Variants in UST observed in about 807,000 individuals in gnomAD.
The protein encoded by UST is uronyl 2-sulfotransferase.
UST carries 21 observed loss-of-function variants against 45.6 expected under a neutral mutation model. The observed-to-expected ratio is 0.46, with a 90% CI of 0.33 to 0.66. The LOEUF is 0.66. Among genes scored for constraint, UST ranks in the 30% least tolerant of loss-of-function variants. The probability of loss-of-function intolerance (pLI) is 0.02; values close to 1 mark genes in which losing one functional copy is unlikely to be tolerated. For synonymous variants in UST, 215 were observed against 200.6 expected (o/e 1.07, Z -0.61); for missense variants, 463 against 512.4 (o/e 0.90, Z 0.93).
chr6:148,857,195 A>C (rs73003173), intron 1 of UST, among the ~76,000 whole-genome samples: 2,044 of 152,254 alleles, frequency 0.013, 30 homozygotes, highest in Admixed American at 0.025. Context: ...TTTTCACCAC[A>C]AGCTCTGCAA....
At chr6:148,924,911 G>A (rs989793099) in intron 2 of UST, among the ~76,000 whole-genome samples, 4 of 152,160 alleles carry the variant, frequency 2.6e-5, no homozygotes, top group Non-Finnish European at 4.4e-5. Flanking sequence ...AAAAGCAGGC[G>A]TGACTATGCC....
chr6:148,886,995 C>T lies in UST; in HGVS notation c.257C>T (p.Thr86Ile). 6.2e-7 allele frequency: 1 copy of T among 1,612,564 alleles called. No individual in the cohort carries two copies. Among genetic ancestry groups the T allele is most frequent in the East Asian group, 2.2e-5 (1 of 44,864 alleles). ...LDLRQYLGNS[T>I]YLDDHGPPPS... ...TTCCTTTATTTTCTAGGAAATTCCA[C>T]TTACTTGGATGACCATGGACCACCT... is the stretch of plus-strand genomic sequence containing the variant. The change falls in exon 2 of 8, where the codon ACT (threonine) becomes ATT (isoleucine). Residue 86 changes from threonine to isoleucine, a missense_variant. Around this residue, in one of 2 missense-constraint regions of UST, gnomAD observed 176 missense variants for 138.3 expected, o/e 1.27. Transcript: ENST00000367463.
At position 148,934,213 on chromosome 6, in the gene UST, T is replaced by C. The variant is rs769559281; in HGVS notation, c.292-7066T>C. Among the ~76,000 whole-genome samples the C allele has an allele frequency of 2.6e-5, 4 of 152,096 alleles. No homozygotes were observed. Among genetic ancestry groups the C allele is most frequent in the Non-Finnish European group, 5.9e-5 (4 of 68,002 alleles). On this transcript the variant is annotated intron_variant, in intron 2 of 7. Transcript: ENST00000367463. The surrounding 1 kb of genome is among the most constrained non-coding windows in gnomAD (Gnocchi z 4.1). ...TGTCCTAGGAACTTTAACATGAGGA[T>C]TTGCTGAGTGGATTTAAACTGCTCA...
chr6:149,054,984 C>T (rs1776541013), intron 7 of UST, among the ~76,000 whole-genome samples: 2 of 152,226 alleles, frequency 1.3e-5, no homozygotes, highest in South Asian at 4.2e-4. Flanking sequence ...CGCATGAGAA[C>T]CCACAGCTCT....
intron 1 of UST, among the ~76,000 whole-genome samples, chr6:148,863,134 C>A (rs1778352870): frequency 6.6e-6 from 1 of 152,204 alleles, no homozygotes; most frequent in Non-Finnish European, 1.5e-5. Flanking sequence ...TCAGGTACAC[C>A]AATCAGACGT....
At chr6:149,029,688 G>A (rs1776110799) in intron 7 of UST, among the ~76,000 whole-genome samples, 1 of 151,808 alleles carries the variant, frequency 6.6e-6, no homozygotes, top group Admixed American at 6.6e-5. Context: ...TGGTTAGGAG[G>A]AATTCAGATT....
At chr6:148,880,468 A>G (rs566225297) in intron 1 of UST, among the ~76,000 whole-genome samples, 9 of 152,220 alleles carry the variant, frequency 5.9e-5, no homozygotes, top group Non-Finnish European at 1.2e-4. Context: ...TATTTTATAA[A>G]ACTGCCAAAG....
chr6:148,985,989 A>G (rs985650983), intron 5 of UST, among the ~76,000 whole-genome samples: 2 of 152,200 alleles, frequency 1.3e-5, no homozygotes, highest in Non-Finnish European at 2.9e-5. Flanking sequence ...GAACAGGGGA[A>G]GGACTATTGG....
At chr6:148,793,920 C>G (rs1329612583) in intron 1 of UST, among the ~76,000 whole-genome samples, 2 of 152,146 alleles carry the variant, frequency 1.3e-5, no homozygotes, top group African/African-American at 4.8e-5. Context: ...TGGTTTGGCA[C>G]TATTCTGAAT....
intron 3 of UST, among the ~76,000 whole-genome samples, chr6:148,942,291 AT>A (rs1411825833): frequency 6.6e-6 from 1 of 152,092 alleles, no homozygotes; most frequent in East Asian, 1.9e-4. Flanking sequence ...CATTATAAAA[AT>A]TTCCTCATGC....
chr6:148,830,482 A>T (rs1160946302), intron 1 of UST, among the ~76,000 whole-genome samples: 2 of 152,058 alleles, frequency 1.3e-5, no homozygotes, highest in Non-Finnish European at 2.9e-5. Flanking sequence ...TTTCGGGAGC[A>T]CTCACCCACA....
chr6:148,980,257 G>C (rs1210561164), intron 5 of UST, among the ~76,000 whole-genome samples: 1 of 151,978 alleles, frequency 6.6e-6, no homozygotes, highest in East Asian at 1.9e-4. Context: ...CCTTAATCTA[G>C]TCAGTCCAAT....
In UST at chr6:149,009,842, C is replaced by G. The variant is rs373043503; in HGVS notation, c.682-9297C>G. On this transcript the variant is annotated intron_variant, in intron 5 of 7. Transcript: ENST00000367463. The stretch of plus-strand genomic sequence containing the variant: ...TTGTCTTTTTTTTTTTTGACATGTA[C>G]ATATTACTTTGACAAACATTTTTGA... Among the ~76,000 whole-genome samples, 7 of 149,410 alleles carry G rather than the reference C, an allele frequency of 4.7e-5. 1 individual carries two copies. The highest frequency in any genetic ancestry group is 1.3e-4 in the Admixed American group (2 of 15,028).
In UST at chr6:148,972,035, A is replaced by G. The variant is rs74440181; in HGVS notation, c.681+7472A>G. Among the ~76,000 whole-genome samples, 1,591 of 152,296 alleles carry G rather than the reference A, an allele frequency of 0.01. 45 individuals are homozygous for G. The East Asian group carries it at 0.13, about 12-fold the overall frequency. On this transcript the variant is annotated intron_variant, in intron 5 of 7. Coordinates refer to ENST00000367463, the MANE Select transcript of UST (RefSeq NM_005715.3). ...GTGGGGTCAGGGGCAGCAATGAGGG[A>G]GCAATTACAAAGACATTGAAGACTC...
intron 2 of UST, among the ~76,000 whole-genome samples, chr6:148,936,573 CTTTTTTTTT>C (rs138494669): frequency 1.8e-4 from 15 of 85,336 alleles, no homozygotes; most frequent in African/African-American, 5.1e-4. Context: ...AAAATCAGTC[CTTTTTTTTT>C]TTTTTTTTTT....
At chr6:148,892,329 A>G (rs1779035926) in intron 2 of UST, among the ~76,000 whole-genome samples, 1 of 152,162 alleles carries the variant, frequency 6.6e-6, no homozygotes, top group South Asian at 2.1e-4. Flanking sequence ...CATTATAGGC[A>G]AGAATGAAAA....
intron 1 of UST, among the ~76,000 whole-genome samples, chr6:148,760,402 G>T (rs1419531116): frequency 1.3e-5 from 2 of 152,202 alleles, no homozygotes; most frequent in Non-Finnish European, 2.9e-5. Context: ...GCTCCAGTGG[G>T]TAAGAGGGTT....
At chr6:148,933,310 A>G (rs559199067) in intron 2 of UST, among the ~76,000 whole-genome samples, 2 of 152,350 alleles carry the variant, frequency 1.3e-5, no homozygotes, top group Admixed American at 1.3e-4. Flanking sequence ...TTTATTAATT[A>G]TCCACTATAT....
chr6:149,003,307 C>T (rs973964321), intron 5 of UST, among the ~76,000 whole-genome samples: 1 of 152,040 alleles, frequency 6.6e-6, no homozygotes, highest in African/African-American at 2.4e-5. Flanking sequence ...TAGCTCTCTC[C>T]CACCCCTTTT....
Sources: gnomAD v4.1 joint callset for allele counts (sites outside exome capture counted in the v4.1 genomes callset) on GRCh38, gnomAD v4.1.1 for gene constraint, gnomAD v4.1.1 regional missense constraint, Gnocchi (gnomAD v3.1) non-coding constraint, MANE v1.5 for transcripts, NCBI Gene and HGNC (gene_info 2026-07-23, HGNC 2026-07-21) for gene names.